BAHD1: variants seen among roughly 807,000 people sequenced by gnomAD.
BAHD1 encodes the protein bromo adjacent homology domain containing 1.
A neutral mutation model predicts 63.1 loss-of-function variants in BAHD1; 20 were observed. That is an observed-to-expected ratio of 0.32 (90% CI 0.22 to 0.46). BAHD1 has a LOEUF of 0.46. BAHD1 is among the 20% of genes least tolerant of loss of function. The pLI is 1.00. For synonymous variants in BAHD1, 408 were observed against 426.8 expected, an observed-to-expected ratio of 0.96 and a Z score of 0.54; for missense variants, 939 against 1,071.8, an observed-to-expected ratio of 0.88 and a Z score of 1.73.
At chr15:40,455,757 C>T (rs965496801) in intron 1 of BAHD1, among the ~76,000 whole-genome samples, 1 of 152,238 alleles carries the variant, frequency 6.6e-6, no homozygotes, top group Non-Finnish European at 1.5e-5. Context: ...AACTTGGGGC[C>T]TGTTGAGGGG....
At chr15:40,459,976 AGGGGTCTCCCTT>A in intron 2 of BAHD1, 80 bp downstream of exon 2, 1 of 1,460,352 alleles carries the variant, frequency 6.8e-7, no homozygotes, top group Non-Finnish European at 9.0e-7. Context: ...TGATCTGAGC[AGGGGTCTCCCTT>A]GGGGTCTGGC....
At chr15:40,454,948 G>A (rs1278020641) in intron 1 of BAHD1, among the ~76,000 whole-genome samples, 1 of 152,164 alleles carries the variant, frequency 6.6e-6, no homozygotes, top group East Asian at 1.9e-4. Flanking sequence ...CAGGCTTGTA[G>A]CCCCTCCACC....
intron 1 of BAHD1, among the ~76,000 whole-genome samples, chr15:40,456,225 G>C (rs948845900): frequency 6.6e-6 from 1 of 152,002 alleles, no homozygotes; most frequent in Non-Finnish European, 1.5e-5. Flanking sequence ...TGATCCATCC[G>C]CCTGGGCCTC....
At position 40,459,706 on chromosome 15, in the gene BAHD1, G is replaced by A. The variant is rs955828643; in HGVS notation, c.1242G>A (p.Gly414=). The stretch of plus-strand genomic sequence containing the variant: ...CAGTGGCTGCACCTCACGAGGAGGG[G>A]CTCCTCTTAGCTCCGAGCTCAGTGC... ...LSPVAAPHEE[G]LLLAPSSVPS... is the part of the protein sequence containing the mutation. The change falls in exon 2 of 7, where the codon GGG becomes GGA. Residue 414 remains glycine, a synonymous_variant. Transcript: ENST00000416165. 1 of 1,613,932 alleles carries A rather than the reference G, an allele frequency of 6.2e-7. No individual in the cohort carries two copies.
chr15:40,464,293 C>G (rs1015534874), intron 4 of BAHD1, 178 bp from the exon 5 acceptor site: 18 of 662,220 alleles, frequency 2.7e-5, no homozygotes, highest in Non-Finnish European at 4.4e-5. Flanking sequence ...CCCCTTCTCC[C>G]TCCATGCCTA....
Position 40,465,990 on chromosome 15 carries a change from A to G in BAHD1, c.2203A>G (p.Thr735Ala). The change falls in exon 7 of 7, where the codon ACA becomes GCA. Residue 735 changes from threonine to alanine, a missense_variant. Thr to Ala is a moderately conservative substitution (Grantham distance 58). Transcript: ENST00000416165. ...AGGTGAAGGCCTCCCCAGCCGAAAGACAGCACTGGTTCCCCCCTCTGCAGA... is the reference window on the plus strand; with the variant it reads ...AGGTGAAGGCCTCCCCAGCCGAAAGGCAGCACTGGTTCCCCCCTCTGCAGA... Reference protein sequence around the residue: ...RRGEGLPSRKTALVPPSADYS... With the variant: ...RRGEGLPSRKAALVPPSADYS... 6.2e-7 allele frequency: 1 copy of G among 1,610,388 alleles called. No individual in the cohort carries two copies. Among genetic ancestry groups the G allele is most frequent in the Non-Finnish European group, 8.5e-7 (1 of 1,178,372 alleles).
chr15:40,441,616 G>A (rs1893404182), intron 1 of BAHD1, among the ~76,000 whole-genome samples: 1 of 146,718 alleles, frequency 6.8e-6, no homozygotes, highest in African/African-American at 2.5e-5. Context: ...TCGGCCGGGC[G>A]GCGGCGGCGC....
chr15:40,443,218 A>G, intron 1 of BAHD1: 1 of 980,188 alleles, frequency 1.0e-6, no homozygotes, highest in Non-Finnish European at 1.2e-6. Context: ...CTTGTCTGCC[A>G]CTTCAGAGGG....
intron 1 of BAHD1, among the ~76,000 whole-genome samples, chr15:40,447,802 T>C (rs915120761): frequency 3.3e-5 from 5 of 152,178 alleles, no homozygotes; most frequent in Admixed American, 3.3e-4. Flanking sequence ...GAATTTCACC[T>C]GAGACAAGAG....
rs987231271 is a variant in BAHD1, at chr15:40,467,312, C to T, written c.*1182C>T. 6.5e-6 allele frequency: 1 copy of T among 153,054 alleles called. No homozygotes were observed. Among genetic ancestry groups the T allele is most frequent in the Non-Finnish European group, 1.5e-5 (1 of 68,354 alleles). 9.5% of individuals were successfully genotyped at this position (153,054 alleles called of 1,614,324 possible). ...TGGAGACTAGGCCTTGGCCCTGGCC[C>T]TGAGACTCTGTGAGGGGGCTGGAGC... is the stretch of plus-strand genomic sequence containing the variant. On this transcript the variant is annotated 3_prime_UTR_variant, in exon 7 of 7. Coordinates refer to ENST00000416165, the MANE Select transcript of BAHD1 (RefSeq NM_014952.5).
In BAHD1 at chr15:40,468,012, A is replaced by G. The variant is rs1894264332; in HGVS notation, c.*1882A>G. On this transcript the variant is annotated 3_prime_UTR_variant, in exon 7 of 7. Transcript: ENST00000416165. Reference sequence around the variant, plus strand: ...TGGAAATATTTTTTCGAACCTGAAAATGCAGCTGGTAGAATTTCAATGGAA... The same window carrying G: ...TGGAAATATTTTTTCGAACCTGAAAGTGCAGCTGGTAGAATTTCAATGGAA... The G allele has an allele frequency of 6.6e-6, 1 of 152,618 alleles. No individual in the cohort carries two copies. Among genetic ancestry groups the G allele is most frequent in the African/African-American group, 2.4e-5 (1 of 41,440 alleles). 9.5% of individuals were successfully genotyped at this position (152,618 alleles called of 1,614,324 possible). A position where few individuals can be genotyped will look rare whatever the true frequency, so the allele number is the denominator to read the frequency against.
In BAHD1 at chr15:40,455,058, G is replaced by A. The variant is rs535608091; in HGVS notation, c.-14-3393G>A. ...TGCTCTCCCCAGAATGGAGTGCAGC[G>A]AGAGGCAGGCAGCAGAGACCCCAGC... On this transcript the variant is annotated intron_variant, in intron 1 of 6. Coordinates refer to ENST00000416165, the MANE Select transcript of BAHD1 (RefSeq NM_014952.5). Among the ~76,000 whole-genome samples, 102 of 152,346 alleles carry A rather than the reference G, an allele frequency of 6.7e-4. 1 individual carries two copies. In the South Asian group the frequency reaches 0.019, roughly 28 times the overall value.
chr15:40,458,730 C>A lies in BAHD1; in HGVS notation c.266C>A (p.Ala89Asp). The A allele has an allele frequency of 6.2e-7, 1 of 1,613,584 alleles. No homozygotes were observed. The highest frequency in any genetic ancestry group is 8.5e-7 in the Non-Finnish European group (1 of 1,180,040). ...NVAGPRSADE[A>D]DELPPDLPKP... The stretch of plus-strand genomic sequence containing the variant: ...GCCGGTCCCCGGAGTGCAGATGAGG[C>A]TGATGAGCTACCGCCTGACCTGCCC... Residue 89 changes from alanine (A) to aspartate (D), a missense_variant, in exon 2 of 7, where the codon GCT (alanine) becomes GAT (aspartate). Transcript: ENST00000416165. This position sits in a 1 kb window ranked among gnomAD's most constrained non-coding sequence, Gnocchi z 4.7.
rs545515595 is a variant in BAHD1 at position 40,445,178 on chromosome 15, T to C, written c.-15+3910T>C. On this transcript the variant is annotated intron_variant, in intron 1 of 6. Transcript: ENST00000416165. ...GAGCCAGCAGCCCCTGGAACACTTA[T>C]ATCAAGAAACAGAGAAAATTTCTGT... Among the ~76,000 whole-genome samples the C allele has an allele frequency of 6.8e-5, 10 of 147,360 alleles. 1 individual carries two copies. Among genetic ancestry groups the C allele is most frequent in the African/African-American group, 1.8e-4 (7 of 39,572 alleles).
Position 40,462,199 on chromosome 15 carries a change from C to T in BAHD1, c.1720C>T (p.Arg574Cys), listed in dbSNP as rs961774486. The change falls in exon 3 of 7, where the codon CGT becomes TGT. Residue 574 changes from arginine (R) to cysteine (C), a missense_variant. Physicochemically the swap from Arg to Cys is radical, Grantham distance 180. This residue lies in a region of BAHD1 where 797 missense variants were observed against 813.3 expected (regional missense o/e 0.98). Coordinates refer to ENST00000416165, the MANE Select transcript of BAHD1 (RefSeq NM_014952.5). ...CAGGCCTAGCCACCCCAAGCAGCCA[C>T]GTGTCCAGCGCCCACGCCCTCGCCG... is the stretch of plus-strand genomic sequence containing the variant. ...ARRPSHPKQP[R>C]VQRPRPRRRR... 8 of 1,612,606 alleles carry T rather than the reference C, an allele frequency of 5.0e-6. No individual in the cohort carries two copies. Among genetic ancestry groups the T allele is most frequent in the East Asian group, 2.2e-5 (1 of 44,880 alleles).
At position 40,459,072 on chromosome 15, in the gene BAHD1, G is replaced by C; in HGVS notation, c.608G>C (p.Arg203Thr). 6.2e-7 allele frequency: 1 copy of C among 1,612,402 alleles called. No individual in the cohort carries two copies. Among genetic ancestry groups the C allele is most frequent in the African/African-American group, 1.3e-5 (1 of 75,028 alleles). The change falls in exon 2 of 7, where the codon AGA (arginine) becomes ACA (threonine). Residue 203 changes from arginine to threonine, a missense_variant. Arg to Thr is a moderately conservative substitution (Grantham distance 71). Around this residue, in one of 5 missense-constraint regions of BAHD1, gnomAD observed 797 missense variants for 813.3 expected, o/e 0.98. Coordinates refer to ENST00000416165, the MANE Select transcript of BAHD1 (RefSeq NM_014952.5). ...PRRDGDPAPK[R>T]LASLNAAAFL... is the part of the protein sequence containing the mutation. The stretch of plus-strand genomic sequence containing the variant: ...CGAGATGGAGACCCAGCTCCCAAGA[G>C]ACTGGCTAGCCTGAACGCAGCTGCT...
At chr15:40,460,472 T>A (rs1018525103) in intron 2 of BAHD1, among the ~76,000 whole-genome samples, 2 of 152,150 alleles carry the variant, frequency 1.3e-5, no homozygotes, top group African/African-American at 4.8e-5. Flanking sequence ...ATCACTTTGC[T>A]GGGTGTGGAT....
At chr15:40,457,732 G>T (rs541753471) in intron 1 of BAHD1, among the ~76,000 whole-genome samples, 2 of 152,340 alleles carry the variant, frequency 1.3e-5, no homozygotes, top group East Asian at 3.9e-4. Flanking sequence ...ACTCCTGGCC[G>T]GGGGCAGTGG....
chr15:40,459,731 C>T lies in BAHD1; in HGVS notation c.1267C>T (p.Pro423Ser), dbSNP rs1893977361. The change falls in exon 2 of 7, where the codon CCC (proline) becomes TCC (serine). Residue 423 changes from proline to serine, a missense_variant. Pro to Ser is a moderately conservative substitution (Grantham distance 74). Around this residue, in one of 5 missense-constraint regions of BAHD1, gnomAD observed 797 missense variants for 813.3 expected, o/e 0.98. Transcript: ENST00000416165. ...GCTCCTCTTAGCTCCGAGCTCAGTG[C>T]CCTCAGGCACCCCTTTCCAGCACCC... ...EGLLLAPSSV[P>S]SGTPFQHPPW... 6.2e-7 allele frequency: 1 copy of T among 1,613,966 alleles called. No individual in the cohort carries two copies. The highest frequency in any genetic ancestry group is 8.5e-7 in the Non-Finnish European group (1 of 1,180,010).
Sources: allele counts gnomAD v4.1 joint callset (sites outside exome capture counted in the v4.1 genomes callset), GRCh38; gene constraint gnomAD v4.1.1; regional missense constraint gnomAD v4.1.1; non-coding constraint Gnocchi (gnomAD v3.1); transcripts MANE v1.5; gene names NCBI Gene and HGNC (gene_info 2026-07-23, HGNC 2026-07-21).